CDH8: variants seen among roughly 807,000 people sequenced by gnomAD.
CDH8 encodes cadherin-8.
In CDH8, 17 loss-of-function variants were observed where a neutral mutation model predicts 68.1. The observed-to-expected ratio is 0.25, with a 90% CI of 0.17 to 0.37. The LOEUF (loss-of-function observed/expected upper bound fraction) is 0.37, where lower values mean the gene tolerates loss of function less well. CDH8 is among the 10% of genes least tolerant of loss of function. CDH8 has a pLI of 1.00. For synonymous variants in CDH8, 372 were observed against 365.1 expected, an observed-to-expected ratio of 1.02 and a Z score of -0.21; for missense variants, 763 against 999.3, an observed-to-expected ratio of 0.76 and a Z score of 3.19.
Position 61,647,425 on chromosome 16 carries a change from C to G in CDH8, c.*6183G>C, listed in dbSNP as rs1213844574. 1 of 161,634 alleles carries G rather than the reference C, an allele frequency of 6.2e-6. No individual in the cohort carries two copies. The highest frequency in any genetic ancestry group is 2.4e-5 in the African/African-American group (1 of 41,342). 10.0% of individuals were successfully genotyped at this position (161,634 alleles called of 1,614,324 possible). ...GTTAAGTTAAAGAAAAATTAGAAAA[C>G]CATTCGACATATTTGTAGTTAAAGC... On this transcript the variant is annotated 3_prime_UTR_variant, in exon 12 of 12. Transcript: ENST00000577390.
intron 10 of CDH8, among the ~76,000 whole-genome samples, chr16:61,678,235 T>A (rs1279896063): frequency 1.3e-5 from 2 of 152,082 alleles, no homozygotes; most frequent in Non-Finnish European, 2.9e-5. Flanking sequence ...CTCTAAAATG[T>A]ATAAAACTAG....
intron 8 of CDH8, among the ~76,000 whole-genome samples, chr16:61,774,460 A>G (rs76998056): frequency 3.4e-5 from 1 of 29,846 alleles, no homozygotes; most frequent in Non-Finnish European, 5.1e-5. Context: ...TCACTCAGGG[A>G]AAAAAAAAAA....
chr16:61,950,919 G>C (rs962165636), intron 2 of CDH8, among the ~76,000 whole-genome samples: 3 of 152,006 alleles, frequency 2.0e-5, no homozygotes, highest in Non-Finnish European at 4.4e-5. Context: ...GAAAGAAGAG[G>C]AACAGAAAAG....
chr16:61,732,852 T>G (rs192413339), intron 8 of CDH8, among the ~76,000 whole-genome samples: 59 of 151,916 alleles, frequency 3.9e-4, no homozygotes, highest in African/African-American at 1.3e-3. Context: ...CAAAATGTAA[T>G]ATGTTTGCCA....
intron 3 of CDH8, 102 bp from the exon 4 acceptor site, chr16:61,857,340 A>G: frequency 9.9e-7 from 1 of 1,007,768 alleles, no homozygotes; most frequent in Non-Finnish European, 1.4e-6. Context: ...TGTGTAGGGA[A>G]TAAAAGGAAA....
chr16:61,942,964 G>A (rs1964746626), intron 2 of CDH8, among the ~76,000 whole-genome samples: 1 of 152,164 alleles, frequency 6.6e-6, no homozygotes, highest in Non-Finnish European at 1.5e-5. Flanking sequence ...AGAAGCTTAG[G>A]TGGGAAGATC....
chr16:61,678,616 T>G (rs2142794826), intron 10 of CDH8, among the ~76,000 whole-genome samples: 1 of 152,142 alleles, frequency 6.6e-6, no homozygotes, highest in African/African-American at 2.4e-5. Context: ...CCATGGTGGT[T>G]TGCTGCACCC....
At position 61,882,547 on chromosome 16, in the gene CDH8, A is replaced by C. The variant is rs183358566; in HGVS notation, c.547+18632T>G. On this transcript the variant is annotated intron_variant, in intron 3 of 11. Transcript: ENST00000577390. ...AGAAATGTCTGCAGGTGCCACAAAA[A>C]AGAATGAGATCTTGTCCTTTGTAGA... is the stretch of plus-strand genomic sequence containing the variant. Among the ~76,000 whole-genome samples, 396 of 152,352 alleles carry C rather than the reference A, an allele frequency of 2.6e-3. 4 individuals carry two copies. The highest frequency in any genetic ancestry group is 6.8e-4 in the Non-Finnish European group (46 of 68,034).
At chr16:62,005,753 A>C (rs918027246) in intron 2 of CDH8, among the ~76,000 whole-genome samples, 2 of 149,456 alleles carry the variant, frequency 1.3e-5, no homozygotes, top group Admixed American at 6.7e-5. Flanking sequence ...AAAAAAAAAA[A>C]AAAACATTGC....
intron 2 of CDH8, among the ~76,000 whole-genome samples, chr16:61,921,050 A>T (rs866672728): frequency 1.6e-3 from 240 of 146,044 alleles, no homozygotes; most frequent in African/African-American, 5.7e-3. Context: ...TGGGAATTGA[A>T]CAATGAGAAC....
At chr16:61,692,431 G>A (rs1964244466) in intron 10 of CDH8, 1 of 152,134 alleles carries the variant, frequency 6.6e-6, no homozygotes, top group African/African-American at 2.4e-5. Context: ...TATGAAAAGA[G>A]TATGCATATA....
chr16:61,801,643 G>A (rs1199571910), intron 7 of CDH8, among the ~76,000 whole-genome samples: 1 of 152,198 alleles, frequency 6.6e-6, no homozygotes, highest in Non-Finnish European at 1.5e-5. Flanking sequence ...GCGAGGCATT[G>A]CCTCACCTGG....
intron 2 of CDH8, among the ~76,000 whole-genome samples, chr16:61,985,408 A>G (rs1041747256): frequency 6.6e-6 from 1 of 152,242 alleles, no homozygotes; most frequent in African/African-American, 2.4e-5. Flanking sequence ...GACAGCACAT[A>G]TATAGAGCAT....
At chr16:61,697,253 C>T (rs1964344634) in intron 10 of CDH8, among the ~76,000 whole-genome samples, 1 of 152,066 alleles carries the variant, frequency 6.6e-6, no homozygotes, top group Non-Finnish European at 1.5e-5. Context: ...GGTTGGTTTT[C>T]AGGGTTCATT....
intron 2 of CDH8, among the ~76,000 whole-genome samples, chr16:61,985,011 C>T (rs1386752043): frequency 6.6e-6 from 1 of 151,986 alleles, no homozygotes; most frequent in Non-Finnish European, 1.5e-5. Flanking sequence ...TAATATCTGC[C>T]TGGTTATTAC....
At position 61,650,092 on chromosome 16, in the gene CDH8, A is replaced by C. The variant is rs1963287715; in HGVS notation, c.*3516T>G. 1 of 152,112 alleles carries C rather than the reference A, an allele frequency of 6.6e-6. No individual in the cohort carries two copies. Among genetic ancestry groups the C allele is most frequent in the African/African-American group, 2.4e-5 (1 of 41,436 alleles). The allele number at this position is 152,112 out of a possible 1,614,324, so 9.4% of individuals were successfully genotyped here. ...TTAAAGTTTACACCCTAGAAGTCAT[A>C]ATTCTGTGTGGCAAGGTTAACACTT... On this transcript the variant is annotated 3_prime_UTR_variant, in exon 12 of 12. Coordinates refer to ENST00000577390, the MANE Select transcript of CDH8 (RefSeq NM_001796.5).
chr16:61,850,676 C>T (rs1962920164), intron 4 of CDH8, among the ~76,000 whole-genome samples: 2 of 151,950 alleles, frequency 1.3e-5, no homozygotes, highest in African/African-American at 4.8e-5. Flanking sequence ...AGCACACAGC[C>T]CTTTGATTTC....
At chr16:61,762,853 C>T (rs1960503814) in intron 8 of CDH8, among the ~76,000 whole-genome samples, 1 of 152,096 alleles carries the variant, frequency 6.6e-6, no homozygotes, top group Non-Finnish European at 1.5e-5. Context: ...AGAATCTGCA[C>T]CCCAAACTCA....
At chr16:61,724,862 AATTTTGGTAAATGTTAAATAT>A (rs1250979791) in intron 9 of CDH8, among the ~76,000 whole-genome samples, 1 of 150,820 alleles carries the variant, frequency 6.6e-6, no homozygotes, top group African/African-American at 2.4e-5. Context: ...AACAAATCCA[AATTTTGGTAAATGTTAAATAT>A]AAAAATTAGA....
Sources: allele counts gnomAD v4.1 joint callset (sites outside exome capture counted in the v4.1 genomes callset), GRCh38; gene constraint gnomAD v4.1.1; transcripts MANE v1.5; gene names NCBI Gene and HGNC (gene_info 2026-07-23, HGNC 2026-07-21).